The following CC2D2A variants were observed in gnomAD, a reference collection of about 807,000 sequenced individuals.
The protein encoded by CC2D2A is coiled-coil and C2 domain-containing protein 2A.
In CC2D2A, 155 loss-of-function variants were observed where a neutral mutation model predicts 212.9. That is an observed-to-expected ratio of 0.73 (90% CI 0.64 to 0.83). The LOEUF is 0.83. Ranked by LOEUF, CC2D2A falls within the 40% of genes least tolerant of loss-of-function variation. The pLI is 0.00. For missense variants in CC2D2A, 1,856 were observed against 1,956.2 expected (o/e 0.95, Z 0.97); for synonymous variants, 667 against 686.5 (o/e 0.97, Z 0.44).
At chr4:15,542,355 T>A (rs1224294269) in intron 17 of CC2D2A, among the ~76,000 whole-genome samples, 2 of 152,176 alleles carry the variant, frequency 1.3e-5, no homozygotes, top group African/African-American at 4.8e-5. Flanking sequence ...ATTGCAGCTT[T>A]GTGGCATGCA....
At position 15,516,720 on chromosome 4, in the gene CC2D2A, G is replaced by C; in HGVS notation, c.1113G>C (p.Gln371His). The C allele has an allele frequency of 6.2e-7, 1 of 1,613,274 alleles. No homozygotes were observed. The highest frequency in any genetic ancestry group is 8.5e-7 in the Non-Finnish European group (1 of 1,179,530). Residue 371 changes from glutamine to histidine, a missense_variant, in exon 11 of 37, where the codon CAG (glutamine) becomes CAC (histidine). Gln to His is a conservative substitution (Grantham distance 24). This residue lies in a region of CC2D2A where 1,512 missense variants were observed against 1,579.3 expected (regional missense o/e 0.96). Coordinates refer to ENST00000424120, the MANE Select transcript of CC2D2A (RefSeq NM_001378615.1). Reference sequence around the variant, plus strand: ...GGCCGCCAGTACTAACACAGGAGCAGAGCATTAAGGCAGAGCTTGAAACAC... The same window carrying C: ...GGCCGCCAGTACTAACACAGGAGCACAGCATTAAGGCAGAGCTTGAAACAC... Reference protein sequence around the residue: ...PSRPPVLTQEQSIKAELETLY... With the variant: ...PSRPPVLTQEHSIKAELETLY...
In CC2D2A at chr4:15,510,111, T is replaced by G. The variant is rs148190483; in HGVS notation, c.439-28T>G. The G allele has an allele frequency of 5.5e-3, 8,572 of 1,545,122 alleles. 32 individuals are homozygous for G. The highest frequency in any genetic ancestry group is 7.3e-3 in the Middle Eastern group (43 of 5,910). On this transcript the variant is annotated intron_variant, in intron 6 of 36. Coordinates refer to ENST00000424120, the MANE Select transcript of CC2D2A (RefSeq NM_001378615.1). Reference sequence around the variant, plus strand: ...CCTAAGTTTCTTGGGTTAAATGGTTTATCTATCATTTTTTTCCACTCATAT... The same window carrying G: ...CCTAAGTTTCTTGGGTTAAATGGTTGATCTATCATTTTTTTCCACTCATAT...
chr4:15,506,279 AATTAC>A (rs1247082555), intron 6 of CC2D2A, among the ~76,000 whole-genome samples: 1 of 152,238 alleles, frequency 6.6e-6, no homozygotes, highest in Admixed American at 6.5e-5. Context: ...TTTTGACAAA[AATTAC>A]ATTATATACT....
intron 4 of CC2D2A, chr4:15,481,802 T>C (rs1714681779): frequency 5.1e-6 from 5 of 985,354 alleles, no homozygotes; most frequent in Non-Finnish European, 6.0e-6. Flanking sequence ...GGAAATTAAA[T>C]ATGCAGAAAC....
In CC2D2A at chr4:15,563,734, A is replaced by C. The variant is rs558327441; in HGVS notation, c.3182+212A>C. The C allele has an allele frequency of 6.6e-5, 37 of 562,364 alleles. No homozygotes were observed. In the South Asian group the frequency reaches 8.1e-4, roughly 12 times the overall value. 34.8% of individuals were successfully genotyped at this position (562,364 alleles called of 1,614,324 possible). On this transcript the variant is annotated intron_variant, in intron 24 of 36. Coordinates refer to ENST00000424120, the MANE Select transcript of CC2D2A (RefSeq NM_001378615.1). ...GAGGGGATTTATTAAGAACATCTCA[A>C]ATAACTCGGACAAGAGGTATAGCTG...
chr4:15,516,305 T>G (rs894189402), intron 10 of CC2D2A, among the ~76,000 whole-genome samples: 1 of 152,224 alleles, frequency 6.6e-6, no homozygotes, highest in East Asian at 1.9e-4. Flanking sequence ...ATAGGTAGAA[T>G]AGTTTCACTT....
intron 33 of CC2D2A, among the ~76,000 whole-genome samples, chr4:15,594,725 G>A (rs1438440409): frequency 2.0e-5 from 3 of 152,186 alleles, no homozygotes; most frequent in Non-Finnish European, 4.4e-5. Context: ...ATATAGAAAG[G>A]AGTGCAGAAT....
At chr4:15,551,171 A>G (rs563100388) in intron 18 of CC2D2A, among the ~76,000 whole-genome samples, 191 bp downstream of exon 18, 1 of 152,372 alleles carries the variant, frequency 6.6e-6, no homozygotes, top group East Asian at 1.9e-4. Context: ...GTAAGTGCAT[A>G]TAACTGTGCA....
chr4:15,494,201 C>G (rs764509172), intron 4 of CC2D2A, among the ~76,000 whole-genome samples: 3 of 152,138 alleles, frequency 2.0e-5, no homozygotes, highest in African/African-American at 4.8e-5. Flanking sequence ...ATGAGAGCAC[C>G]GAGTCTTGTC....
chr4:15,580,267 G>A, intron 30 of CC2D2A, 96 bp downstream of exon 30: 1 of 858,006 alleles, frequency 1.2e-6, no homozygotes, highest in Non-Finnish European at 1.9e-6. Context: ...TGCTTAAGAT[G>A]TTAACTATAT....
chr4:15,503,188 A>G (rs1716064298), intron 6 of CC2D2A, among the ~76,000 whole-genome samples: 2 of 151,908 alleles, frequency 1.3e-5, no homozygotes, highest in African/African-American at 2.4e-5. Context: ...CTGTAGTCCC[A>G]GCTACTCGGG....
At chr4:15,573,218 C>T (rs1273587453) in intron 28 of CC2D2A, among the ~76,000 whole-genome samples, 1 of 152,242 alleles carries the variant, frequency 6.6e-6, no homozygotes, top group Non-Finnish European at 1.5e-5. Flanking sequence ...AAATGGCACA[C>T]ATTCCTTCCT....
At position 15,555,228 on chromosome 4, in the gene CC2D2A, C is replaced by T; in HGVS notation, c.2625+18C>T. On this transcript the variant is annotated intron_variant, in intron 20 of 36. Transcript: ENST00000424120. ...TTATCTCGGTATGTAGCAGGAGGCACACATGCCATTTCTTGACTTGGCCTT... is the reference window on the plus strand; with the variant it reads ...TTATCTCGGTATGTAGCAGGAGGCATACATGCCATTTCTTGACTTGGCCTT... 1 of 1,608,618 alleles carries T rather than the reference C, an allele frequency of 6.2e-7. No individual in the cohort carries two copies. The highest frequency in any genetic ancestry group is 8.5e-7 in the Non-Finnish European group (1 of 1,176,894).
chr4:15,534,483 G>A (rs1010949843), intron 14 of CC2D2A, among the ~76,000 whole-genome samples: 2 of 152,032 alleles, frequency 1.3e-5, no homozygotes, highest in Non-Finnish European at 2.9e-5. Flanking sequence ...CTTCATTTGT[G>A]GTGTGGAGAA....
intron 11 of CC2D2A, among the ~76,000 whole-genome samples, chr4:15,517,825 C>T (rs1439048719): frequency 6.6e-6 from 1 of 152,158 alleles, no homozygotes; most frequent in Non-Finnish European, 1.5e-5. Flanking sequence ...CTGGGAAGAC[C>T]TCACAATCAT....
intron 9 of CC2D2A, among the ~76,000 whole-genome samples, chr4:15,515,225 C>T (rs981642359): frequency 2.6e-5 from 4 of 152,154 alleles, no homozygotes; most frequent in South Asian, 2.1e-4. Flanking sequence ...TACTCTATGG[C>T]GTGATCTTGT....
In CC2D2A at chr4:15,505,418, C is replaced by T. The variant is rs368973116; in HGVS notation, c.438+2495C>T. Among the ~76,000 whole-genome samples the T allele has an allele frequency of 1.1e-4, 17 of 152,244 alleles. No individual in the cohort carries two copies. The East Asian group carries it at 2.5e-3, about 22-fold the overall frequency. On this transcript the variant is annotated intron_variant, in intron 6 of 36. Transcript: ENST00000424120. ...GGCCCTGGTTCCCTGTTTCAGGTTACCCAAGATCTGATCCTTGAATCTAAT... is the reference window on the plus strand; with the variant it reads ...GGCCCTGGTTCCCTGTTTCAGGTTATCCAAGATCTGATCCTTGAATCTAAT...
chr4:15,574,120 G>A (rs1180367412), intron 28 of CC2D2A, 30 bp from the exon 29 acceptor site: 1 of 1,499,832 alleles, frequency 6.7e-7, no homozygotes, highest in Non-Finnish European at 9.0e-7. Flanking sequence ...AAAGCATCAG[G>A]ATGTTTACCA....
Position 15,499,924 on chromosome 4 carries a change from C to T in CC2D2A, c.248-2505C>T, listed in dbSNP as rs1475813543. Among the ~76,000 whole-genome samples the T allele has an allele frequency of 2.2e-5, 3 of 136,938 alleles. No individual in the cohort carries two copies. The East Asian group carries it at 6.7e-4, about 30-fold the overall frequency. 89.8% of individuals were successfully genotyped at this position (136,938 alleles called of 152,430 possible). A position where few individuals can be genotyped will look rare whatever the true frequency, so the allele number is the denominator to read the frequency against. On this transcript the variant is annotated intron_variant, in intron 4 of 36. Transcript: ENST00000424120. The stretch of plus-strand genomic sequence containing the variant: ...CCCTGCGTGGCTGGGGACCTTAGAA[C>T]CTGGGGAGGAGGAAACGGGTACTAA...
Sources: gnomAD v4.1 joint callset for allele counts (sites outside exome capture counted in the v4.1 genomes callset) on GRCh38, gnomAD v4.1.1 for gene constraint, gnomAD v4.1.1 regional missense constraint, MANE v1.5 for transcripts, NCBI Gene and HGNC (gene_info 2026-07-23, HGNC 2026-07-21) for gene names.